The following GSN variants were observed in gnomAD, a reference collection of about 807,000 sequenced individuals.
GSN encodes gelsolin.
Under a neutral mutation model 85.7 loss-of-function variants are expected in GSN, and 56 were observed. That is an observed-to-expected ratio of 0.65 (90% CI 0.53 to 0.82). The LOEUF (loss-of-function observed/expected upper bound fraction) is 0.82. Among genes scored for constraint, GSN ranks in the 40% least tolerant of loss-of-function variants. The probability of loss-of-function intolerance (pLI) is 0.00; values close to 1 mark genes in which losing one functional copy is unlikely to be tolerated. For synonymous variants in GSN, 373 were observed against 399.1 expected, an observed-to-expected ratio of 0.93 and a Z score of 0.78; for missense variants, 857 against 979.8, an observed-to-expected ratio of 0.87 and a Z score of 1.67.
At chr9:121,227,700 A>G (rs1287838368) in intron 4 of GSN, among the ~76,000 whole-genome samples, 1 of 152,156 alleles carries the variant, frequency 6.6e-6, no homozygotes, top group Non-Finnish European at 1.5e-5. Flanking sequence ...TGTGAGGGGA[A>G]ATACACCCTC....
intron 2 of GSN, among the ~76,000 whole-genome samples, chr9:121,292,078 G>A (rs1588839452): frequency 6.6e-6 from 1 of 152,072 alleles, no homozygotes; most frequent in South Asian, 2.1e-4. Context: ...TTAATTTTGT[G>A]TAGAGACAGG....
chr9:121,321,474 G>A (rs2062440060), intron 11 of GSN, 73 bp downstream of exon 11: 11 of 1,460,310 alleles, frequency 7.5e-6, no homozygotes, highest in Non-Finnish European at 1.0e-5. Context: ...AAGACAAACT[G>A]AGGGTGTGAG....
In GSN at chr9:121,327,408, AG is replaced by A. The variant is rs760697560; in HGVS notation, c.1689del (p.Lys564ArgfsTer43). The A allele has an allele frequency of 6.2e-7, 1 of 1,612,284 alleles. No homozygotes were observed. Among genetic ancestry groups the A allele is most frequent in the East Asian group, 2.2e-5 (1 of 44,878 alleles). On this transcript the variant is annotated frameshift_variant, in exon 14 of 18. Transcript: ENST00000432226. LOFTEE classifies it high-confidence loss of function. ...GTGGGTACAGGAGCCAGCGAGGCAGAGAAGACGGGGGCCCAGGAGCTGCTCA... is the reference window on the plus strand; with the variant it reads ...GTGGGTACAGGAGCCAGCGAGGCAGAAAGACGGGGGCCCAGGAGCTGCTCA... Reference protein sequence around the residue: ...LWVGTGASEAEKTGAQELLRV... With the variant: ...LWVGTGASEAXKTGAQELLRV...
intron 5 of GSN, among the ~76,000 whole-genome samples, chr9:121,242,154 A>C (rs1196028164): frequency 6.6e-6 from 1 of 152,234 alleles, no homozygotes; most frequent in South Asian, 2.1e-4. Flanking sequence ...GTTAAATGGG[A>C]TAATAAATAC....
rs556241364 is a variant in GSN at position 121,274,296 on chromosome 9, C to T, written c.-103+6077C>T. On this transcript the variant is annotated intron_variant, in intron 1 of 17. Coordinates refer to ENST00000432226, the MANE Select transcript of GSN (RefSeq NM_198252.3). ...AGAAATAAATGCCCACCCGAGTTTT[C>T]ATCACTCACTATTATTCTATCTTTG... 2.0e-5 allele frequency among the ~76,000 whole-genome samples: 3 copies of T among 152,230 alleles called. No homozygotes were observed. The South Asian group carries it at 6.2e-4, about 32-fold the overall frequency.
At position 121,281,480 on chromosome 9, in the gene GSN, T is replaced by A. The variant is rs151083385; in HGVS notation, c.-92T>A. ...GCCCTTTGTTTACAGGTAGTGCTCA[T>A]AGCTCTCTTTGTCCAGTGCTTCGGC... On this transcript the variant is annotated 5_prime_UTR_variant, in exon 2 of 18. Transcript: ENST00000432226. 4 of 382,990 alleles carry A rather than the reference T, an allele frequency of 1.0e-5. No homozygotes were observed. In the East Asian group the frequency reaches 2.9e-4, roughly 28 times the overall value. The allele number at this position is 382,990 out of a possible 1,614,324, so 23.7% of individuals were successfully genotyped here.
intron 4 of GSN, among the ~76,000 whole-genome samples, chr9:121,304,468 A>G (rs1394390947): frequency 2.6e-5 from 4 of 152,254 alleles, no homozygotes; most frequent in Non-Finnish European, 5.9e-5. Context: ...GGAGCAAGAA[A>G]TGGAACGAAC....
At chr9:121,229,260 G>A (rs536199104) in intron 4 of GSN, among the ~76,000 whole-genome samples, 4 of 152,150 alleles carry the variant, frequency 2.6e-5, no homozygotes, top group African/African-American at 7.2e-5. Context: ...TTGCGCTGTC[G>A]CCCAGGCTGG....
At chr9:121,232,828 T>A (rs1266318874) in intron 5 of GSN, among the ~76,000 whole-genome samples, 1 of 152,202 alleles carries the variant, frequency 6.6e-6, no homozygotes, top group East Asian at 1.9e-4. Flanking sequence ...GGTACTTCCT[T>A]TCAAGAACCT....
chr9:121,290,813 C>T (rs191833609), intron 2 of GSN, among the ~76,000 whole-genome samples: 1 of 152,242 alleles, frequency 6.6e-6, no homozygotes. Context: ...CACATTAGTG[C>T]TCTTTTTTAT....
chr9:121,281,771 G>A (rs537919327), intron 2 of GSN: 1 of 471,172 alleles, frequency 2.1e-6, no homozygotes, highest in African/African-American at 2.0e-5. Context: ...TGATCTTGTA[G>A]GGAGGAGGCC....
Position 121,332,655 on chromosome 9 carries a change from T to G in GSN, c.*52T>G. The G allele has an allele frequency of 6.8e-7, 1 of 1,477,468 alleles. No individual in the cohort carries two copies. The highest frequency in any genetic ancestry group is 9.4e-7 in the Non-Finnish European group (1 of 1,066,048). 91.5% of individuals were successfully genotyped at this position (1,477,468 alleles called of 1,614,324 possible). A position where few individuals can be genotyped will look rare whatever the true frequency, so the allele number is the denominator to read the frequency against. ...CGGTCAGTGCCTTTTGGAACTGTCC[T>G]TCCCTCAAAGAGGCCTTAGAGCGAG... On this transcript the variant is annotated 3_prime_UTR_variant, in exon 18 of 18. Transcript: ENST00000432226. The surrounding 1 kb of genome is among the most constrained non-coding windows in gnomAD (Gnocchi z 4.8).
chr9:121,215,855 G>A (rs1383067323), intron 4 of GSN, among the ~76,000 whole-genome samples: 1 of 151,800 alleles, frequency 6.6e-6, no homozygotes, highest in Non-Finnish European at 1.5e-5. Flanking sequence ...TATATTTCAA[G>A]TATCATATAA....
intron 1 of GSN, among the ~76,000 whole-genome samples, chr9:121,271,171 C>A (rs1422070831): frequency 1.3e-5 from 2 of 152,162 alleles, no homozygotes; most frequent in East Asian, 3.9e-4. Flanking sequence ...GAGTTTGAGA[C>A]CAGCCTGGTC....
chr9:121,217,028 T>C (rs2054076372), intron 4 of GSN, among the ~76,000 whole-genome samples: 1 of 152,240 alleles, frequency 6.6e-6, no homozygotes, highest in Admixed American at 6.5e-5. Context: ...ATTTAGATTT[T>C]TAAAGTATTT....
At chr9:121,319,398 T>A (rs1367287829) in intron 10 of GSN, among the ~76,000 whole-genome samples, 1 of 152,084 alleles carries the variant, frequency 6.6e-6, no homozygotes, top group Non-Finnish European at 1.5e-5. Context: ...TTCAAGGGTG[T>A]AGACTTGATC....
chr9:121,299,205 G>A lies in GSN; in HGVS notation c.-9-2758G>A, dbSNP rs1226494642. On this transcript the variant is annotated intron_variant, in intron 2 of 17. Coordinates refer to ENST00000432226, the MANE Select transcript of GSN (RefSeq NM_198252.3). This position sits in a 1 kb window ranked among gnomAD's most constrained non-coding sequence, Gnocchi z 4.2. Reference sequence around the variant, plus strand: ...TAAAAAGAAGGAAAGAAAAGTAGGAGGGGCTATCCCAGGAGCTGAGCGTTC... The same window carrying A: ...TAAAAAGAAGGAAAGAAAAGTAGGAAGGGCTATCCCAGGAGCTGAGCGTTC... The A allele has an allele frequency of 1.1e-5, 5 of 449,064 alleles. No individual in the cohort carries two copies. The highest frequency in any genetic ancestry group is 1.1e-4 in the African/African-American group (5 of 47,072). The allele number at this position is 449,064 out of a possible 1,614,324, so 27.8% of individuals were successfully genotyped here.
rs1167226563 is a variant in GSN, at chr9:121,280,162, G to T, written c.-102-1308G>T. 2.6e-5 allele frequency: 4 copies of T among 152,232 alleles called. No individual in the cohort carries two copies. The East Asian group carries it at 7.7e-4, about 29-fold the overall frequency. 9.4% of individuals were successfully genotyped at this position (152,232 alleles called of 1,614,324 possible). A position where few individuals can be genotyped will look rare whatever the true frequency, so the allele number is the denominator to read the frequency against. ...CCTCGGCTTAGGGAAGCTGGTTTAG[G>T]CAGAGAAATTTTCCAGTGTGGGCAG... On this transcript the variant is annotated intron_variant, in intron 1 of 17. Coordinates refer to ENST00000432226, the MANE Select transcript of GSN (RefSeq NM_198252.3).
At chr9:121,237,933 T>G (rs2054529022) in intron 5 of GSN, among the ~76,000 whole-genome samples, 1 of 152,228 alleles carries the variant, frequency 6.6e-6, no homozygotes. Context: ...AGGGAATAGT[T>G]TGAAGTCTGT....
Sources: gnomAD v4.1 joint callset for allele counts (sites outside exome capture counted in the v4.1 genomes callset) on GRCh38, gnomAD v4.1.1 for gene constraint, Gnocchi (gnomAD v3.1) non-coding constraint, MANE v1.5 for transcripts, NCBI Gene and HGNC (gene_info 2026-07-23, HGNC 2026-07-21) for gene names.